The following PPP2R2C variants were observed in gnomAD, a reference collection of about 807,000 sequenced individuals.
PPP2R2C encodes the protein protein phosphatase 2 regulatory subunit Bgamma, also known as protein phosphatase 2, regulatory subunit B, gamma.
PPP2R2C carries 10 observed loss-of-function variants against 45.3 expected under a neutral mutation model. The observed-to-expected ratio is 0.22, with a 90% CI of 0.14 to 0.37. The LOEUF (loss-of-function observed/expected upper bound fraction) is 0.37. Ranked by LOEUF, PPP2R2C falls within the 10% of genes least tolerant of loss-of-function variation. The pLI is 1.00. For synonymous variants in PPP2R2C, 257 were observed against 245.4 expected (o/e 1.05, Z -0.44); for missense variants, 308 against 619.7 (o/e 0.50, Z 5.34).
intron 5 of PPP2R2C, among the ~76,000 whole-genome samples, chr4:6,369,488 A>G (rs1358369993): frequency 2.0e-5 from 3 of 152,248 alleles, no homozygotes. Flanking sequence ...CTTAAAGAAA[A>G]CAATTTTTTT....
intron 2 of PPP2R2C, among the ~76,000 whole-genome samples, chr4:6,495,668 T>A (rs982469639): frequency 6.6e-6 from 1 of 152,200 alleles, no homozygotes; most frequent in Admixed American, 6.5e-5. Context: ...CACTGAGCCT[T>A]CCTCCAGGGG....
chr4:6,402,220 C>T (rs1021882526), intron 1 of PPP2R2C, among the ~76,000 whole-genome samples: 1 of 152,196 alleles, frequency 6.6e-6, no homozygotes, highest in African/African-American at 2.4e-5. Context: ...GTAAGTGGTG[C>T]CCACAGGTAC....
chr4:6,529,726 T>A (rs893974129), intron 2 of PPP2R2C, among the ~76,000 whole-genome samples: 4 of 152,098 alleles, frequency 2.6e-5, no homozygotes, highest in African/African-American at 9.7e-5. Flanking sequence ...GAGCCCTAGG[T>A]CTGCTTTGCC....
chr4:6,408,822 C>CAGCT (rs1717970531), intron 1 of PPP2R2C, among the ~76,000 whole-genome samples: 1 of 147,768 alleles, frequency 6.8e-6, no homozygotes, highest in South Asian at 2.1e-4. Context: ...CAGGGGGCTG[C>CAGCT]AGCTGGTCAG....
chr4:6,498,585 G>A (rs933249571), intron 2 of PPP2R2C, among the ~76,000 whole-genome samples: 1 of 152,186 alleles, frequency 6.6e-6, no homozygotes, highest in East Asian at 1.9e-4. Context: ...GAATACTAAT[G>A]AGGGTCAGCA....
intron 1 of PPP2R2C, among the ~76,000 whole-genome samples, chr4:6,439,338 C>T (rs747254323): frequency 3.3e-5 from 5 of 152,210 alleles, no homozygotes; most frequent in Non-Finnish European, 5.9e-5. Flanking sequence ...CAGTTTGTGA[C>T]GTGCACTGAT....
At chr4:6,535,025 G>A (rs968247468) in intron 2 of PPP2R2C, among the ~76,000 whole-genome samples, 1 of 152,260 alleles carries the variant, frequency 6.6e-6, no homozygotes, top group Non-Finnish European at 1.5e-5. Context: ...GGCGCATGAA[G>A]GGGGCCTCAC....
At chr4:6,436,619 T>G (rs1268142458) in intron 1 of PPP2R2C, among the ~76,000 whole-genome samples, 1 of 152,232 alleles carries the variant, frequency 6.6e-6, no homozygotes, top group African/African-American at 2.4e-5. Context: ...AAATTCAGAA[T>G]GTTTCCTGCT....
intron 1 of PPP2R2C, among the ~76,000 whole-genome samples, chr4:6,423,623 T>A (rs965208035): frequency 6.6e-6 from 1 of 152,236 alleles, no homozygotes; most frequent in Non-Finnish European, 1.5e-5. Context: ...AATCATTAAC[T>A]GTAATACAGT....
At chr4:6,397,799 G>A (rs982512191) in intron 1 of PPP2R2C, among the ~76,000 whole-genome samples, 2 of 152,182 alleles carry the variant, frequency 1.3e-5, no homozygotes, top group African/African-American at 2.4e-5. Flanking sequence ...TTAAATAAGC[G>A]AAAATATGTT....
chr4:6,556,560 C>A (rs1281749498), intron 1 of PPP2R2C, among the ~76,000 whole-genome samples: 41 of 152,176 alleles, frequency 2.7e-4, no homozygotes, highest in Admixed American at 2.7e-3. Flanking sequence ...CTCTGAAGAA[C>A]CCTGACTACT....
At chr4:6,562,474 G>T (rs567559355) in intron 1 of PPP2R2C, among the ~76,000 whole-genome samples, 14 of 43,964 alleles carry the variant, frequency 3.2e-4, no homozygotes, top group Admixed American at 9.9e-4. Context: ...GAGTCGGGGG[G>T]GGGGGTTGGA....
At chr4:6,445,371 A>G (rs535542930) in intron 1 of PPP2R2C, among the ~76,000 whole-genome samples, 1 of 152,332 alleles carries the variant, frequency 6.6e-6, no homozygotes, top group Admixed American at 6.5e-5. Context: ...AATTAATCCA[A>G]CTGGAACCAA....
At chr4:6,496,915 A>G (rs1722898767) in intron 2 of PPP2R2C, among the ~76,000 whole-genome samples, 1 of 139,032 alleles carries the variant, frequency 7.2e-6, no homozygotes, top group Admixed American at 7.4e-5. Context: ...TGTGATGGAC[A>G]CAGGGAGTGT....
intron 5 of PPP2R2C, among the ~76,000 whole-genome samples, chr4:6,359,253 T>C (rs970270812): frequency 6.6e-6 from 1 of 152,046 alleles, no homozygotes; most frequent in Non-Finnish European, 1.5e-5. Flanking sequence ...GGACAGAAAA[T>C]CAAACTCCAC....
intron 1 of PPP2R2C, among the ~76,000 whole-genome samples, chr4:6,431,673 T>A (rs964136790): frequency 1.3e-5 from 2 of 152,174 alleles, no homozygotes; most frequent in African/African-American, 4.8e-5. Flanking sequence ...GATAAACCAC[T>A]TATACTCTAG....
chr4:6,349,549 A>G (rs564648084), intron 5 of PPP2R2C: 3 of 985,344 alleles, frequency 3.0e-6, no homozygotes, highest in Admixed American at 6.1e-5. Context: ...CCTCCACCCA[A>G]GCTGCTGCCT....
chr4:6,410,924 G>A (rs191471738), intron 1 of PPP2R2C, among the ~76,000 whole-genome samples: 6 of 151,702 alleles, frequency 4.0e-5, no homozygotes, highest in African/African-American at 1.5e-4. Flanking sequence ...GATGAAGTGC[G>A]GTGGTGCGAT....
chr4:6,551,177 C>A (rs993443246), intron 1 of PPP2R2C, among the ~76,000 whole-genome samples: 3 of 152,212 alleles, frequency 2.0e-5, no homozygotes, highest in Non-Finnish European at 4.4e-5. Flanking sequence ...GGATAAGAAA[C>A]ATACCTGCCT....
Sources: allele counts gnomAD v4.1 joint callset (sites outside exome capture counted in the v4.1 genomes callset), GRCh38; gene constraint gnomAD v4.1.1; transcripts MANE v1.5; gene names NCBI Gene and HGNC (gene_info 2026-07-23, HGNC 2026-07-21).